The following XKR4 variants were observed in gnomAD, a reference collection of about 807,000 sequenced individuals.
XKR4 encodes the protein XK related 4.
A neutral mutation model predicts 53.9 loss-of-function variants in XKR4; 12 were observed. The observed-to-expected ratio is 0.22, with a 90% CI of 0.14 to 0.36. The LOEUF is 0.36. XKR4 is among the 10% of genes least tolerant of loss of function. The probability of loss-of-function intolerance (pLI) is 1.00; values close to 1 mark genes in which losing one functional copy is unlikely to be tolerated. For synonymous variants in XKR4, 354 were observed against 362.4 expected, an observed-to-expected ratio of 0.98 and a Z score of 0.26; for missense variants, 799 against 859.5, an observed-to-expected ratio of 0.93 and a Z score of 0.88.
intron 1 of XKR4, among the ~76,000 whole-genome samples, chr8:55,111,967 T>C (rs1353539989): frequency 1.3e-5 from 2 of 152,208 alleles, no homozygotes; most frequent in Non-Finnish European, 2.9e-5. Context: ...AATAGGGGTA[T>C]GGTGCACTCT....
intron 2 of XKR4, among the ~76,000 whole-genome samples, chr8:55,495,047 C>T (rs1490528296): frequency 6.6e-6 from 1 of 152,170 alleles, no homozygotes; most frequent in Non-Finnish European, 1.5e-5. Flanking sequence ...GTCCTCAATA[C>T]CTGCTTGGCC....
chr8:55,427,450 A>G (rs960159244), intron 2 of XKR4, among the ~76,000 whole-genome samples: 2 of 152,130 alleles, frequency 1.3e-5, no homozygotes, highest in Non-Finnish European at 2.9e-5. Flanking sequence ...GCCTCAAGCA[A>G]TCCCCCTGCC....
In XKR4 at chr8:55,289,634, A is replaced by G. The variant is rs1268300187; in HGVS notation, c.807-68044A>G. Among the ~76,000 whole-genome samples, 22 of 130,800 alleles carry G rather than the reference A, an allele frequency of 1.7e-4. 1 individual carries two copies. The highest frequency in any genetic ancestry group is 7.4e-4 in the East Asian group (3 of 4,060). 85.8% of individuals were successfully genotyped at this position (130,800 alleles called of 152,430 possible). A position where few individuals can be genotyped will look rare whatever the true frequency, so the allele number is the denominator to read the frequency against. ...GAAAGAAAGAAAGAAAGAAAGAAAG[A>G]AAGAAAGAAAGAAAGGAAGGAAGGA... is the stretch of plus-strand genomic sequence containing the variant. On this transcript the variant is annotated intron_variant, in intron 1 of 2. Coordinates refer to ENST00000327381, the MANE Select transcript of XKR4 (RefSeq NM_052898.2).
At chr8:55,248,379 T>C (rs1430436687) in intron 1 of XKR4, among the ~76,000 whole-genome samples, 2 of 152,276 alleles carry the variant, frequency 1.3e-5, no homozygotes. Context: ...TTGACATTCA[T>C]GCAAGCATGT....
At chr8:55,421,986 C>T (rs1363465917) in intron 2 of XKR4, among the ~76,000 whole-genome samples, 1 of 152,148 alleles carries the variant, frequency 6.6e-6, no homozygotes, top group Non-Finnish European at 1.5e-5. Context: ...CAAGGAGAAG[C>T]TGTATTGATG....
chr8:55,483,104 G>A (rs1806136670), intron 2 of XKR4, among the ~76,000 whole-genome samples: 1 of 152,046 alleles, frequency 6.6e-6, no homozygotes, highest in South Asian at 2.1e-4. Context: ...CATCCTCAGG[G>A]CTTAGTGTTC....
At chr8:55,318,873 C>A (rs2129379164) in intron 1 of XKR4, among the ~76,000 whole-genome samples, 1 of 152,214 alleles carries the variant, frequency 6.6e-6, no homozygotes, top group Non-Finnish European at 1.5e-5. Context: ...GACAAATTAA[C>A]AAGTAGGGCC....
chr8:55,135,933 C>CG (rs1296663898), intron 1 of XKR4, among the ~76,000 whole-genome samples: 1 of 150,526 alleles, frequency 6.6e-6, no homozygotes, highest in Non-Finnish European at 1.5e-5. Context: ...CTCGCTCTGT[C>CG]CCCAGGCTGG....
At chr8:55,357,128 C>A (rs369325596) in intron 1 of XKR4, among the ~76,000 whole-genome samples, 10 of 152,204 alleles carry the variant, frequency 6.6e-5, no homozygotes, top group African/African-American at 2.4e-4. Flanking sequence ...ATATCCCAAC[C>A]CTCATTGTTC....
intron 1 of XKR4, among the ~76,000 whole-genome samples, chr8:55,141,201 T>G (rs1816697253): frequency 6.6e-6 from 1 of 152,188 alleles, no homozygotes; most frequent in Non-Finnish European, 1.5e-5. Flanking sequence ...AAACATTTTA[T>G]TTTAAACTCC....
chr8:55,251,527 T>C (rs1818362133), intron 1 of XKR4, among the ~76,000 whole-genome samples: 1 of 152,254 alleles, frequency 6.6e-6, no homozygotes, highest in African/African-American at 2.4e-5. Context: ...TGGGATAGAA[T>C]GGGTCCTATA....
At chr8:55,270,168 C>A (rs1037734748) in intron 1 of XKR4, among the ~76,000 whole-genome samples, 10 of 152,206 alleles carry the variant, frequency 6.6e-5, no homozygotes, top group Admixed American at 1.3e-4. Flanking sequence ...ATGCCACATG[C>A]CTAGGGGGTG....
chr8:55,313,214 T>C (rs1012716714), intron 1 of XKR4, among the ~76,000 whole-genome samples: 1 of 152,208 alleles, frequency 6.6e-6, no homozygotes, highest in Non-Finnish European at 1.5e-5. Flanking sequence ...GCTATATACA[T>C]TGTGTTCTTT....
At chr8:55,415,195 T>A (rs2129391722) in intron 2 of XKR4, among the ~76,000 whole-genome samples, 1 of 152,346 alleles carries the variant, frequency 6.6e-6, no homozygotes, top group African/African-American at 2.4e-5. Flanking sequence ...TTCAAAGTCA[T>A]GATTTTATCT....
chr8:55,378,807 C>A (rs1314585252), intron 2 of XKR4, among the ~76,000 whole-genome samples: 1 of 152,188 alleles, frequency 6.6e-6, no homozygotes, highest in East Asian at 1.9e-4. Context: ...TTGGCAGAGA[C>A]TCAGTTTTCT....
chr8:55,362,361 G>C (rs761012527), intron 2 of XKR4, among the ~76,000 whole-genome samples: 7 of 152,206 alleles, frequency 4.6e-5, no homozygotes, highest in Non-Finnish European at 8.8e-5. Flanking sequence ...CGTGAAGAGA[G>C]AATGGTCAGG....
chr8:55,128,282 C>T (rs928587548), intron 1 of XKR4, among the ~76,000 whole-genome samples: 8 of 152,150 alleles, frequency 5.3e-5, no homozygotes, highest in Non-Finnish European at 1.0e-4. Context: ...TTTTAATGAT[C>T]GCCATTCTAA....
At chr8:55,451,883 G>C in intron 2 of XKR4, 1 of 852,128 alleles carries the variant, frequency 1.2e-6, no homozygotes, top group South Asian at 1.5e-5. Context: ...AGTGTGCTGG[G>C]CTCCAGCTCT....
At chr8:55,450,464 C>G in intron 2 of XKR4, 3 of 593,848 alleles carry the variant, frequency 5.1e-6, no homozygotes, top group Non-Finnish European at 9.4e-6. Context: ...CAGCTGGCTC[C>G]TGCGCTGCCC....
Sources: allele counts gnomAD v4.1 joint callset (sites outside exome capture counted in the v4.1 genomes callset), GRCh38; gene constraint gnomAD v4.1.1; transcripts MANE v1.5; gene names NCBI Gene and HGNC (gene_info 2026-07-23, HGNC 2026-07-21).